Variants in CAVIN1 observed in about 807,000 individuals in gnomAD.
CAVIN1 encodes the protein caveolae-associated protein 1.
A neutral mutation model predicts 24.0 loss-of-function variants in CAVIN1; 16 were observed. The observed-to-expected ratio is 0.67, with a 90% CI of 0.45 to 1.01. The LOEUF is 1.01. Among genes scored for constraint, CAVIN1 ranks in the 50% least tolerant of loss-of-function variants. CAVIN1 has a pLI of 0.00. For missense variants in CAVIN1, 510 were observed against 551.7 expected, an observed-to-expected ratio of 0.92 and a Z score of 0.76; for synonymous variants, 256 against 256.4, an observed-to-expected ratio of 1.00 and a Z score of 0.02.
At chr17:42,421,593 G>A (rs1006866820) in intron 1 of CAVIN1, among the ~76,000 whole-genome samples, 39 of 152,278 alleles carry the variant, frequency 2.6e-4, no homozygotes, top group African/African-American at 9.1e-4. Context: ...TGGCACTGCG[G>A]AAGCGGCGTG....
chr17:42,412,860 T>C (rs537130742), intron 1 of CAVIN1, among the ~76,000 whole-genome samples: 12 of 150,434 alleles, frequency 8.0e-5, no homozygotes, highest in Admixed American at 4.6e-4. Context: ...CAAGCGATCC[T>C]CTTGTCTCGG....
At chr17:42,420,803 G>A (rs2085540300) in intron 1 of CAVIN1, among the ~76,000 whole-genome samples, 1 of 152,068 alleles carries the variant, frequency 6.6e-6, no homozygotes, top group Admixed American at 6.6e-5. Flanking sequence ...ACTTTTCCCA[G>A]GTTCTATGGT....
rs756338972 is a variant in CAVIN1, at chr17:42,404,917, C to A, written c.943G>T (p.Val315Phe). Residue 315 changes from valine to phenylalanine, a missense_variant, in exon 2 of 2, where the codon GTC becomes TTC. By Grantham distance (50) the Val-to-Phe change is conservative. Transcript: ENST00000357037. The stretch of plus-strand genomic sequence containing the variant: ...AAGGTGAAGGGTGGCACCTTGTAGA[C>A]CGCGGTCTTGGAGCGCGCGTACACC... ...HVVYARSKTA[V>F]YKVPPFTFHV... The A allele has an allele frequency of 1.9e-6, 3 of 1,614,082 alleles. No individual in the cohort carries two copies. In the Admixed American group the frequency reaches 5.0e-5, roughly 27 times the overall value.
At chr17:42,405,693 T>TG (rs1555586067) in intron 1 of CAVIN1, among the ~76,000 whole-genome samples, 13 of 60,880 alleles carry the variant, frequency 2.1e-4, no homozygotes, top group African/African-American at 4.7e-4. Context: ...TTTTTTTTTT[T>TG]TTTTTTTTTT....
intron 1 of CAVIN1, chr17:42,412,328 T>G (rs2085484113): frequency 1.0e-6 from 1 of 977,734 alleles, no homozygotes; most frequent in African/African-American, 1.8e-5. Context: ...CTTGGTGGCA[T>G]GCAGAGTAGG....
At chr17:42,405,431 C>G in intron 1 of CAVIN1, 43 bp from the exon 2 acceptor site, 2 of 1,586,778 alleles carry the variant, frequency 1.3e-6, no homozygotes, top group Non-Finnish European at 1.7e-6. Context: ...TCGGAGGAGG[C>G]GGATGTGGGC....
chr17:42,420,886 A>G (rs2085540815), intron 1 of CAVIN1, among the ~76,000 whole-genome samples: 1 of 151,988 alleles, frequency 6.6e-6, no homozygotes, highest in Non-Finnish European at 1.5e-5. Context: ...CAGGCTCTGG[A>G]GGAAATATAG....
At position 42,405,235 on chromosome 17, in the gene CAVIN1, C is replaced by T; in HGVS notation, c.625G>A (p.Val209Ile). 1 of 1,613,858 alleles carries T rather than the reference C, an allele frequency of 6.2e-7. No homozygotes were observed. The highest frequency in any genetic ancestry group is 1.1e-5 in the South Asian group (1 of 91,086). Residue 209 changes from valine to isoleucine, a missense_variant, in exon 2 of 2, where the codon GTT becomes ATT. By Grantham distance (29) the Val-to-Ile change is conservative. Coordinates refer to ENST00000357037, the MANE Select transcript of CAVIN1 (RefSeq NM_012232.6). ...LELSSDEAVEVEEVIEESRAE... is the reference protein window; with the variant it reads ...LELSSDEAVEIEEVIEESRAE... ...CGGGACTCCTCAATAACCTCCTCAA[C>T]CTCCACCGCCTCGTCCGACGAAAGC...
In CAVIN1 at chr17:42,422,671, C is replaced by T. The variant is rs1205263846; in HGVS notation, c.427G>A (p.Ala143Thr). The T allele has an allele frequency of 3.7e-6, 6 of 1,603,602 alleles. No individual in the cohort carries two copies. The highest frequency in any genetic ancestry group is 5.1e-6 in the Non-Finnish European group (6 of 1,175,556). Residue 143 changes from alanine (A) to threonine (T), a missense_variant, in exon 1 of 2, where the codon GCC becomes ACC. By Grantham distance (58) the Ala-to-Thr change is moderately conservative. Transcript: ENST00000357037. The stretch of plus-strand genomic sequence containing the variant: ...AAGTTGCGGCGCCGCAGCAGCTCGG[C>T]CTCGTTGACCTCCAGCTTCTTGATC... ...GQIKKLEVNE[A>T]ELLRRRNFKV... is the part of the protein sequence containing the mutation.
rs1024481012 is a variant in CAVIN1 at position 42,403,202 on chromosome 17, A to T, written c.*1485T>A. On this transcript the variant is annotated 3_prime_UTR_variant, in exon 2 of 2. Coordinates refer to ENST00000357037, the MANE Select transcript of CAVIN1 (RefSeq NM_012232.6). ...CCCGCCTCAGCCTCCCAAGTAGCTG[A>T]GACCACAGGCACGTGCCACCATGCT... 6.6e-6 allele frequency: 1 copy of T among 152,458 alleles called. No individual in the cohort carries two copies. The highest frequency in any genetic ancestry group is 2.4e-5 in the African/African-American group (1 of 41,410). The allele number at this position is 152,458 out of a possible 1,614,324, so 9.4% of individuals were successfully genotyped here.
rs893248127 is a variant in CAVIN1, at chr17:42,404,507, C to T, written c.*180G>A. ...GTGTCCAAGCGGGGGTTGTCCACTGCGGGGGCTGCCTCCCCATCGGGTCCT... is the reference window on the plus strand; with the variant it reads ...GTGTCCAAGCGGGGGTTGTCCACTGTGGGGGCTGCCTCCCCATCGGGTCCT... On this transcript the variant is annotated 3_prime_UTR_variant, in exon 2 of 2. Transcript: ENST00000357037. 2.3e-5 allele frequency: 11 copies of T among 479,920 alleles called. No homozygotes were observed. Among genetic ancestry groups the T allele is most frequent in the African/African-American group, 1.9e-4 (9 of 47,980 alleles). The allele number at this position is 479,920 out of a possible 1,614,324, so 29.7% of individuals were successfully genotyped here.
At chr17:42,411,203 A>AAAAAAAAAAAAC (rs1555586974) in intron 1 of CAVIN1, among the ~76,000 whole-genome samples, 6 of 147,400 alleles carry the variant, frequency 4.1e-5, no homozygotes, top group Middle Eastern at 3.4e-3. Context: ...AAAAAAAAAA[A>AAAAAAAAAAAAC]AAAAAACTAA....
At chr17:42,418,308 C>T (rs1040585470) in intron 1 of CAVIN1, among the ~76,000 whole-genome samples, 1 of 150,920 alleles carries the variant, frequency 6.6e-6, no homozygotes. Context: ...CTCGGCTCAC[C>T]GCAACCTCTG....
rs1217478736 is a variant in CAVIN1, at chr17:42,422,790, G to A, written c.308C>T (p.Thr103Met). Reference protein sequence around the residue: ...LSKLGKAHATTSNTVSKLLEK... With the variant: ...LSKLGKAHATMSNTVSKLLEK... ...CAGCAGCTTGCTCACCGTATTGCTC[G>A]TGGTGGCGTGCGCCTTGCCCAGCTT... is the stretch of plus-strand genomic sequence containing the variant. Residue 103 changes from threonine (T) to methionine (M), a missense_variant, in exon 1 of 2, where the codon ACG (threonine) becomes ATG (methionine). Transcript: ENST00000357037. 1.2e-6 allele frequency: 2 copies of A among 1,613,780 alleles called. No homozygotes were observed. Among genetic ancestry groups the A allele is most frequent in the Admixed American group, 3.3e-5 (2 of 59,984 alleles).
At chr17:42,422,505 G>C in intron 1 of CAVIN1, 122 bp downstream of exon 1, 48 of 185,148 alleles carry the variant, frequency 2.6e-4, no homozygotes, top group South Asian at 1.3e-3. Context: ...TGGATCTGCC[G>C]GGCGCCCGGG....
At chr17:42,420,916 A>T (rs28406153) in intron 1 of CAVIN1, among the ~76,000 whole-genome samples, 297 of 151,572 alleles carry the variant, frequency 2.0e-3, no homozygotes, top group African/African-American at 7.0e-3. Context: ...GCTGTCCCAG[A>T]CCCCTGTCTT....
chr17:42,404,747 C>A lies in CAVIN1; in HGVS notation c.1113G>T (p.Ala371=). 1 of 1,522,042 alleles carries A rather than the reference C, an allele frequency of 6.6e-7. No individual in the cohort carries two copies. The highest frequency in any genetic ancestry group is 1.4e-5 in the African/African-American group (1 of 71,004). The allele number at this position is 1,522,042 out of a possible 1,614,324, so 94.3% of individuals were successfully genotyped here. A position where few individuals can be genotyped will look rare whatever the true frequency, so the allele number is the denominator to read the frequency against. ...CCGACTCCTCGGTGATCTCCAGCAG[C>A]GCGTGCACGTCGGGGCTGCTCCCGC... ...LRRGSSPDVH[A]LLEITEESDA... The change falls in exon 2 of 2, where the codon GCG becomes GCT. Residue 371 remains alanine, a synonymous_variant. Coordinates refer to ENST00000357037, the MANE Select transcript of CAVIN1 (RefSeq NM_012232.6).
intron 1 of CAVIN1, among the ~76,000 whole-genome samples, chr17:42,408,567 C>T (rs2085458837): frequency 6.6e-6 from 1 of 152,144 alleles, no homozygotes; most frequent in African/African-American, 2.4e-5. Context: ...TCTCGGCTCA[C>T]CGCAACATCC....
chr17:42,410,679 C>T (rs113183395), intron 1 of CAVIN1, among the ~76,000 whole-genome samples: 20 of 151,160 alleles, frequency 1.3e-4, no homozygotes, highest in African/African-American at 4.6e-4. Context: ...TTTGGGAGGC[C>T]GAGGTGGGCA....
Sources: gnomAD v4.1 joint callset for allele counts (sites outside exome capture counted in the v4.1 genomes callset) on GRCh38, gnomAD v4.1.1 for gene constraint, MANE v1.5 for transcripts, NCBI Gene and HGNC (gene_info 2026-07-23, HGNC 2026-07-21) for gene names.